ZCCHC17: variants seen among roughly 807,000 people sequenced by gnomAD.
ZCCHC17 encodes the protein zinc finger CCHC domain-containing protein 17.
Under a neutral mutation model 30.6 loss-of-function variants are expected in ZCCHC17, and 18 were observed. The ratio of observed to expected loss-of-function variants is 0.59; its 90% CI spans 0.41 to 0.87. The LOEUF is 0.87. Among genes scored for constraint, ZCCHC17 ranks in the 40% least tolerant of loss-of-function variants. The pLI, the probability that ZCCHC17 is intolerant of heterozygous loss-of-function variation, is 0.00. For missense variants in ZCCHC17, 263 were observed against 284.2 expected (o/e 0.93, Z 0.54); for synonymous variants, 88 against 92.4 (o/e 0.95, Z 0.27).
chr1:31,331,363 C>T (rs1223002021), intron 3 of ZCCHC17, among the ~76,000 whole-genome samples: 1 of 151,744 alleles, frequency 6.6e-6, no homozygotes, highest in Non-Finnish European at 1.5e-5. Flanking sequence ...TCAGGCTGGT[C>T]TAGAACTCCT....
At chr1:31,357,647 A>G (rs895891506) in intron 7 of ZCCHC17, among the ~76,000 whole-genome samples, 1 of 152,226 alleles carries the variant, frequency 6.6e-6, no homozygotes, top group Non-Finnish European at 1.5e-5. Context: ...TCAAGTAGTG[A>G]TAAGTGCTAT....
intron 2 of ZCCHC17, among the ~76,000 whole-genome samples, chr1:31,318,401 C>T (rs1646785911): frequency 6.6e-6 from 1 of 152,102 alleles, no homozygotes; most frequent in Non-Finnish European, 1.5e-5. Flanking sequence ...GGGTTCTGGG[C>T]CTTTCATCAC....
At chr1:31,355,465 A>T (rs1396934050) in intron 7 of ZCCHC17, among the ~76,000 whole-genome samples, 2 of 152,194 alleles carry the variant, frequency 1.3e-5, no homozygotes, top group Non-Finnish European at 2.9e-5. Flanking sequence ...CAGAACAGGA[A>T]TTATTATCCC....
At chr1:31,329,072 T>A (rs1411708376) in intron 3 of ZCCHC17, among the ~76,000 whole-genome samples, 1 of 152,182 alleles carries the variant, frequency 6.6e-6, no homozygotes, top group Non-Finnish European at 1.5e-5. Context: ...TGAGGCTATC[T>A]AGGGATCCCA....
chr1:31,344,519 TTGGAGGAAGAAAAC>T (rs1639167977), intron 5 of ZCCHC17, among the ~76,000 whole-genome samples: 1 of 152,068 alleles, frequency 6.6e-6, no homozygotes, highest in Non-Finnish European at 1.5e-5. Flanking sequence ...CTGGGATGGA[TTGGAGGAAGAAAAC>T]TGGAGGCAGG....
chr1:31,339,336 A>G lies in ZCCHC17; in HGVS notation c.317+288A>G, dbSNP rs901374696. On this transcript the variant is annotated intron_variant, in intron 5 of 7. Coordinates refer to ENST00000344147, the MANE Select transcript of ZCCHC17 (RefSeq NM_016505.4). ...AACATGGCGAAACCCCGTCTCTACT[A>G]AAAATACAAAACTAGAAATTTGCTG... is the stretch of plus-strand genomic sequence containing the variant. Among the ~76,000 whole-genome samples, 4 of 152,208 alleles carry G rather than the reference A, an allele frequency of 2.6e-5. No homozygotes were observed. The South Asian group carries it at 8.3e-4, about 32-fold the overall frequency.
At chr1:31,315,415 C>T (rs1222718635) in intron 2 of ZCCHC17, among the ~76,000 whole-genome samples, 1 of 152,144 alleles carries the variant, frequency 6.6e-6, no homozygotes, top group East Asian at 1.9e-4. Flanking sequence ...ATCCTGTCAT[C>T]CTCTGAGAAG....
Position 31,346,709 on chromosome 1 carries a change from G to A in ZCCHC17, c.387G>A (p.Leu129=). ...AGAAGATCACCCTTGAGGCTGTCTTGAACACTACCTGCAAGAAGTGTGGCT... is the reference window on the plus strand; with the variant it reads ...AGAAGATCACCCTTGAGGCTGTCTTAAACACTACCTGCAAGAAGTGTGGCT... The part of the protein sequence containing the change: ...TGQKITLEAV[L]NTTCKKCGCK... The change falls in exon 6 of 8, where the codon TTG becomes TTA. Residue 129 remains leucine (L), a synonymous_variant. Transcript: ENST00000344147. 1 of 1,614,124 alleles carries A rather than the reference G, an allele frequency of 6.2e-7. No homozygotes were observed. The highest frequency in any genetic ancestry group is 1.1e-5 in the South Asian group (1 of 91,070).
chr1:31,311,991 A>G (rs1646616179), intron 2 of ZCCHC17, among the ~76,000 whole-genome samples: 1 of 152,108 alleles, frequency 6.6e-6, no homozygotes, highest in African/African-American at 2.4e-5. Flanking sequence ...AGCATTTGTC[A>G]CCTCCAAAGG....
At chr1:31,363,904 C>T (rs937682520) in intron 7 of ZCCHC17, 128 bp from the exon 8 acceptor site, 1 of 1,402,730 alleles carries the variant, frequency 7.1e-7, no homozygotes, top group East Asian at 2.5e-5. Flanking sequence ...CTCAAGCATT[C>T]CTCCCACCTC....
Position 31,364,477 on chromosome 1 carries a change from A to G in ZCCHC17, c.*284A>G, listed in dbSNP as rs570998195. 6.8e-5 allele frequency: 29 copies of G among 429,422 alleles called. No homozygotes were observed. Among genetic ancestry groups the G allele is most frequent in the South Asian group, 3.5e-4 (8 of 22,954 alleles). The allele number at this position is 429,422 out of a possible 1,614,324, so 26.6% of individuals were successfully genotyped here. On this transcript the variant is annotated 3_prime_UTR_variant, in exon 8 of 8. Coordinates refer to ENST00000344147, the MANE Select transcript of ZCCHC17 (RefSeq NM_016505.4). ...CTTCCTTCATTCAGCAGGAGGTCCTATTACCCTCTCCAGCTGCCACTGCCA... is the reference window on the plus strand; with the variant it reads ...CTTCCTTCATTCAGCAGGAGGTCCTGTTACCCTCTCCAGCTGCCACTGCCA...
rs576139242 is a variant in ZCCHC17, at chr1:31,301,761, T to G, written c.-56+4686T>G. On this transcript the variant is annotated intron_variant, in intron 1 of 7. Transcript: ENST00000344147. ...CCATAATTCCTTTAAGTTTTTACAT[T>G]TTCTGAGTTCATCTTTTGTGTTTTT... 2.6e-5 allele frequency among the ~76,000 whole-genome samples: 4 copies of G among 152,342 alleles called. No homozygotes were observed. The South Asian group carries it at 8.3e-4, about 32-fold the overall frequency.
rs76897038 is a variant in ZCCHC17 at position 31,364,321 on chromosome 1, G to T, written c.*128G>T. 6.8e-5 allele frequency: 97 copies of T among 1,422,568 alleles called. No individual in the cohort carries two copies. Among genetic ancestry groups the T allele is most frequent in the Non-Finnish European group, 8.0e-5 (86 of 1,080,874 alleles). 88.1% of individuals were successfully genotyped at this position (1,422,568 alleles called of 1,614,324 possible). A position where few individuals can be genotyped will look rare whatever the true frequency, so the allele number is the denominator to read the frequency against. ...ATTAACTTCGCTCCCATGGGAGATG[G>T]CTTCCCCTCATGCAACAGGCAGGTT... On this transcript the variant is annotated 3_prime_UTR_variant, in exon 8 of 8. Transcript: ENST00000344147.
rs534492225 is a variant in ZCCHC17 at position 31,310,991 on chromosome 1, G to A, written c.66+827G>A. On this transcript the variant is annotated intron_variant, in intron 2 of 7. Coordinates refer to ENST00000344147, the MANE Select transcript of ZCCHC17 (RefSeq NM_016505.4). ...TATTAGTTAAAACTCTCTATCTCTT[G>A]CCTGGTCTTTACTGGGATCCCTGCT... Among the ~76,000 whole-genome samples the A allele has an allele frequency of 5.9e-5, 9 of 152,232 alleles. No homozygotes were observed. In the South Asian group the frequency reaches 1.2e-3, roughly 21 times the overall value.
intron 2 of ZCCHC17, chr1:31,318,271 T>G: frequency 6.7e-7 from 1 of 1,492,054 alleles, no homozygotes; most frequent in Non-Finnish European, 9.0e-7. Context: ...TTACAAATAA[T>G]CATTTAGTGT....
intron 5 of ZCCHC17, among the ~76,000 whole-genome samples, chr1:31,344,955 C>T (rs1032047523): frequency 1.1e-4 from 17 of 151,046 alleles, no homozygotes; most frequent in African/African-American, 3.7e-4. Context: ...ATCTTGCAGG[C>T]TTAAGTGATC....
chr1:31,338,808 T>G (rs1249704392), intron 4 of ZCCHC17, 149 bp from the exon 5 acceptor site: 5 of 536,494 alleles, frequency 9.3e-6, no homozygotes, highest in East Asian at 3.1e-5. Context: ...CTACCTGTTA[T>G]GCTTATTTGT....
At chr1:31,344,015 C>T (rs999430982) in intron 5 of ZCCHC17, among the ~76,000 whole-genome samples, 5 of 151,670 alleles carry the variant, frequency 3.3e-5, no homozygotes, top group East Asian at 3.9e-4. Flanking sequence ...CCACTATGCT[C>T]GGCTAATTTT....
chr1:31,306,052 G>A (rs1365430007), intron 1 of ZCCHC17, among the ~76,000 whole-genome samples: 1 of 152,082 alleles, frequency 6.6e-6, no homozygotes, highest in African/African-American at 2.4e-5. Context: ...TCTTAACTAA[G>A]CACTTATCAT....
Sources: gnomAD v4.1 joint callset for allele counts (sites outside exome capture counted in the v4.1 genomes callset) on GRCh38, gnomAD v4.1.1 for gene constraint, MANE v1.5 for transcripts, NCBI Gene and HGNC (gene_info 2026-07-23, HGNC 2026-07-21) for gene names.